The following CLIC5 variants were observed in gnomAD, a reference collection of about 807,000 sequenced individuals.
CLIC5 encodes CLIC family member 5.
A neutral mutation model predicts 24.7 loss-of-function variants in CLIC5; 20 were observed. That is an observed-to-expected ratio of 0.81 (90% confidence interval 0.57 to 1.18). The LOEUF is 1.18. Among genes scored for constraint, CLIC5 ranks in the 50% most tolerant of loss-of-function variants. The probability of loss-of-function intolerance (pLI) is 0.00; values close to 1 mark genes in which losing one functional copy is unlikely to be tolerated. For synonymous variants in CLIC5, 159 were observed against 135.6 expected (o/e 1.17, Z -1.20); for missense variants, 341 against 326.1 (o/e 1.05, Z -0.35).
At chr6:46,060,275 C>T (rs1006667328) in intron 1 of CLIC5, among the ~76,000 whole-genome samples, 5 of 151,768 alleles carry the variant, frequency 3.3e-5, no homozygotes, top group African/African-American at 1.2e-4. Flanking sequence ...GTTGGTTTGC[C>T]CTAAATACGG....
chr6:45,963,068 C>T (rs766725395), intron 1 of CLIC5, among the ~76,000 whole-genome samples: 4 of 152,282 alleles, frequency 2.6e-5, no homozygotes, highest in Admixed American at 1.3e-4. Flanking sequence ...TTTCATGTCC[C>T]GCTATTTGAA....
At chr6:45,890,099 T>C (rs2127283115) in intron 6 of CLIC5, among the ~76,000 whole-genome samples, 1 of 152,382 alleles carries the variant, frequency 6.6e-6, no homozygotes, top group South Asian at 2.1e-4. Flanking sequence ...TTCTTGTTAC[T>C]GAGTAGTTTG....
intron 1 of CLIC5, among the ~76,000 whole-genome samples, chr6:46,063,733 G>A (rs1203201106): frequency 6.6e-6 from 1 of 152,186 alleles, no homozygotes; most frequent in Non-Finnish European, 1.5e-5. Context: ...CCAGTAGGAA[G>A]AGTGGAAAGA....
intron 1 of CLIC5, among the ~76,000 whole-genome samples, chr6:46,025,692 T>G (rs1767310182): frequency 6.6e-6 from 1 of 152,214 alleles, no homozygotes; most frequent in Non-Finnish European, 1.5e-5. Context: ...CTGGATGGCC[T>G]TTAACATGGT....
intron 1 of CLIC5, among the ~76,000 whole-genome samples, chr6:46,038,892 T>A (rs1420654847): frequency 1.3e-5 from 2 of 152,198 alleles, no homozygotes; most frequent in African/African-American, 4.8e-5. Context: ...AAAGATAAAT[T>A]CACTAAAATT....
intron 1 of CLIC5, among the ~76,000 whole-genome samples, chr6:46,077,562 T>C (rs754233860): frequency 2.0e-5 from 3 of 151,966 alleles, no homozygotes; most frequent in African/African-American, 7.2e-5. Context: ...ATTTTATATA[T>C]TCTACTTCCA....
Position 45,970,152 on chromosome 6 carries a change from G to A in CLIC5, c.64-14908C>T, listed in dbSNP as rs538226126. ...TCCTTCTCTGCCACTGTGCAACAGG[G>A]AAATGTTTCTCCCAGCCAAGTGCCC... On this transcript the variant is annotated intron_variant, in intron 1 of 5. Coordinates refer to ENST00000339561, the MANE Select transcript of CLIC5 (RefSeq NM_016929.5). Among the ~76,000 whole-genome samples the A allele has an allele frequency of 4.6e-5, 7 of 152,274 alleles. No individual in the cohort carries two copies. In the East Asian group the frequency reaches 1.4e-3, roughly 29 times the overall value.
Position 45,935,513 on chromosome 6 carries a change from T to C in CLIC5, c.406+6034A>G, listed in dbSNP as rs150795990. On this transcript the variant is annotated intron_variant, in intron 4 of 5. Coordinates refer to ENST00000339561, the MANE Select transcript of CLIC5 (RefSeq NM_016929.5). Reference sequence around the variant, plus strand: ...CTGTGCCCTCCCTCAAGCCTTCTACTTCAGCACTCTATGAACCTCCAGGTC... The same window carrying C: ...CTGTGCCCTCCCTCAAGCCTTCTACCTCAGCACTCTATGAACCTCCAGGTC... 1.2e-3 allele frequency among the ~76,000 whole-genome samples: 188 copies of C among 152,314 alleles called. 1 individual carries two copies. The highest frequency in any genetic ancestry group is 4.4e-3 in the African/African-American group (182 of 41,578).
At chr6:45,997,723 G>C (rs902926265) in intron 1 of CLIC5, among the ~76,000 whole-genome samples, 1 of 152,082 alleles carries the variant, frequency 6.6e-6, no homozygotes, top group South Asian at 2.1e-4. Flanking sequence ...GCAAAAGAAA[G>C]AACCAATTTC....
At chr6:45,895,175 C>T (rs1237506858), downstream of CLIC5, among the ~76,000 whole-genome samples, 1 of 152,046 alleles carries the variant, frequency 6.6e-6, no homozygotes, top group Non-Finnish European at 1.5e-5. Flanking sequence ...CCCTAATGAA[C>T]CTATATGCGG....
At chr6:45,936,169 G>C (rs527756641) in intron 4 of CLIC5, among the ~76,000 whole-genome samples, 2 of 149,070 alleles carry the variant, frequency 1.3e-5, no homozygotes, top group East Asian at 4.0e-4. Flanking sequence ...TTGTCTACCC[G>C]AGATAACTGC....
intron 4 of CLIC5, among the ~76,000 whole-genome samples, chr6:45,915,519 G>T (rs184392204): frequency 1.1e-3 from 173 of 152,104 alleles, no homozygotes; most frequent in African/African-American, 3.8e-3. Context: ...AGAACACTTG[G>T]GTTACTCTAG....
the CLIC5 span, among the ~76,000 whole-genome samples, chr6:46,095,654 T>C: frequency 2.0e-4 from 31 of 152,242 alleles, no homozygotes; most frequent in Non-Finnish European, 1.5e-5. Flanking sequence ...CTGAGACTGC[T>C]GCAGCCTGGA....
chr6:46,058,244 T>G lies in CLIC5; in HGVS notation c.540+21459A>C, dbSNP rs1313526762. On this transcript the variant is annotated intron_variant, in intron 1 of 5. Coordinates refer to the CLIC5 transcript ENST00000185206. ...AGAGATACAAAGTTGAAATTAAAAT[T>G]ATTTTTGCTCTTAATGATAAGAAGA... 2.0e-5 allele frequency among the ~76,000 whole-genome samples: 3 copies of G among 152,216 alleles called. No individual in the cohort carries two copies. The East Asian group carries it at 5.8e-4, about 29-fold the overall frequency.
intron 4 of CLIC5, among the ~76,000 whole-genome samples, chr6:45,934,609 G>A (rs887407628): frequency 2.0e-5 from 3 of 152,240 alleles, no homozygotes; most frequent in African/African-American, 4.8e-5. Context: ...TAGGGGAAAG[G>A]GAGTCCTGTG....
At chr6:45,962,904 C>A (rs1764898187) in intron 1 of CLIC5, among the ~76,000 whole-genome samples, 1 of 152,188 alleles carries the variant, frequency 6.6e-6, no homozygotes, top group Non-Finnish European at 1.5e-5. Flanking sequence ...GTCCTTTAGC[C>A]TGCCTTGAGC....
intron 1 of CLIC5, among the ~76,000 whole-genome samples, chr6:45,992,367 G>A (rs961754220): frequency 6.6e-6 from 1 of 152,214 alleles, no homozygotes; most frequent in Non-Finnish European, 1.5e-5. Context: ...TTTGAAGACT[G>A]TGTGATGTTA....
At chr6:46,020,729 A>G (rs1184350494), upstream of CLIC5, among the ~76,000 whole-genome samples, 3 of 152,040 alleles carry the variant, frequency 2.0e-5, no homozygotes, top group Non-Finnish European at 2.9e-5. Context: ...TCAATGTTAG[A>G]TACAAAAGAT....
chr6:45,990,610 C>A (rs1765902731), intron 1 of CLIC5, among the ~76,000 whole-genome samples: 2 of 152,210 alleles, frequency 1.3e-5, no homozygotes, highest in African/African-American at 4.8e-5. Context: ...CTTCTGAAAA[C>A]CCCTGTTACA....
Sources: gnomAD v4.1 joint callset for allele counts (sites outside exome capture counted in the v4.1 genomes callset) on GRCh38, gnomAD v4.1.1 for gene constraint, MANE v1.5 for transcripts, NCBI Gene and HGNC (gene_info 2026-07-23, HGNC 2026-07-21) for gene names.